FMN1: variants seen among roughly 807,000 people sequenced by gnomAD.
FMN1 encodes formin 1, also known as formin-1.
FMN1 carries 110 observed loss-of-function variants against 132.4 expected under a neutral mutation model. That is an observed-to-expected ratio of 0.83 (90% CI 0.71 to 0.97). The LOEUF (loss-of-function observed/expected upper bound fraction) is 0.97, where lower values mean the gene tolerates loss of function less well. FMN1 is among the 50% of genes least tolerant of loss of function. FMN1 has a pLI of 0.00. For missense variants in FMN1, 1,792 were observed against 1,705.3 expected, an observed-to-expected ratio of 1.05 and a Z score of -0.90; for synonymous variants, 722 against 651.7, an observed-to-expected ratio of 1.11 and a Z score of -1.64.
At chr15:33,005,704 A>G (rs1221593985) in intron 7 of FMN1, among the ~76,000 whole-genome samples, 2 of 152,186 alleles carry the variant, frequency 1.3e-5, no homozygotes, top group African/African-American at 4.8e-5. Context: ...GCTAGGGTTA[A>G]CTGTTACAAC....
intron 8 of FMN1, among the ~76,000 whole-genome samples, chr15:32,968,216 GAACT>G (rs1166022302): frequency 6.6e-6 from 1 of 152,120 alleles, no homozygotes; most frequent in East Asian, 1.9e-4. Context: ...CTGATCTAAA[GAACT>G]AATAACTTAG....
At chr15:33,017,597 G>GA (rs1446167232) in intron 6 of FMN1, among the ~76,000 whole-genome samples, 4 of 152,146 alleles carry the variant, frequency 2.6e-5, no homozygotes, top group African/African-American at 4.8e-5. Context: ...CAATAACTGG[G>GA]AGAAATCCCA....
At chr15:32,907,732 G>A (rs1567369585) in intron 12 of FMN1, among the ~76,000 whole-genome samples, 1 of 149,628 alleles carries the variant, frequency 6.7e-6, no homozygotes, top group Non-Finnish European at 1.5e-5. Flanking sequence ...AAAATTCAAG[G>A]TAGCAACAGG....
intron 19 of FMN1, among the ~76,000 whole-genome samples, chr15:32,798,178 G>GAACACACACACACACA (rs1555457387): frequency 5.6e-4 from 83 of 147,202 alleles, no homozygotes; most frequent in African/African-American, 1.7e-3. Context: ...TAAGGAAAAC[G>GAACACACACACACACA]CACACACACA....
At chr15:32,824,523 T>C (rs2058316325) in intron 17 of FMN1, among the ~76,000 whole-genome samples, 1 of 152,212 alleles carries the variant, frequency 6.6e-6, no homozygotes, top group Non-Finnish European at 1.5e-5. Context: ...TCTGATCACT[T>C]GCTCTGTTCC....
intron 6 of FMN1, among the ~76,000 whole-genome samples, chr15:33,047,173 G>A (rs1201039356): frequency 1.3e-5 from 2 of 152,140 alleles, no homozygotes; most frequent in East Asian, 1.9e-4. Flanking sequence ...TTTACCATTT[G>A]CTGATTCTTT....
intron 7 of FMN1, among the ~76,000 whole-genome samples, chr15:32,990,571 G>C (rs1190222197): frequency 6.6e-6 from 1 of 152,186 alleles, no homozygotes; most frequent in Admixed American, 6.5e-5. Flanking sequence ...GTATGGTCAA[G>C]AGAAAGGATT....
chr15:32,948,994 C>T (rs531946121), intron 9 of FMN1, among the ~76,000 whole-genome samples: 1 of 151,986 alleles, frequency 6.6e-6, no homozygotes, highest in African/African-American at 2.4e-5. Flanking sequence ...TGATTTAAGG[C>T]ACTTAACTGA....
intron 12 of FMN1, among the ~76,000 whole-genome samples, chr15:32,906,412 C>A (rs2060426173): frequency 6.6e-6 from 1 of 152,174 alleles, no homozygotes. Flanking sequence ...GTCATTGGGG[C>A]ACAGCGATAC....
At chr15:32,815,464 A>G (rs1355586346) in intron 17 of FMN1, among the ~76,000 whole-genome samples, 1 of 152,166 alleles carries the variant, frequency 6.6e-6, no homozygotes, top group East Asian at 1.9e-4. Context: ...CCAATACTTC[A>G]TTCTTCAGAC....
intron 6 of FMN1, among the ~76,000 whole-genome samples, chr15:33,025,888 C>T (rs1024589267): frequency 1.3e-5 from 2 of 152,148 alleles, no homozygotes; most frequent in African/African-American, 2.4e-5. Flanking sequence ...GGGAAAACTT[C>T]AGGAGGCACG....
At chr15:32,899,828 G>T in intron 14 of FMN1, 151 bp downstream of exon 14, 1 of 759,484 alleles carries the variant, frequency 1.3e-6, no homozygotes, top group African/African-American at 1.8e-5. Flanking sequence ...AAAGTGAAAA[G>T]AAAGCAAACA....
chr15:33,066,873 T>A lies in FMN1; in HGVS notation c.2044-1799A>T, dbSNP rs370768744. ...GAGAGCTGCTCCAGGAGAGTGGGAGTGGCCTTCGGATCAGTTGCTTTCTTC... is the reference window on the plus strand; with the variant it reads ...GAGAGCTGCTCCAGGAGAGTGGGAGAGGCCTTCGGATCAGTTGCTTTCTTC... On this transcript the variant is annotated intron_variant, in intron 5 of 20. Coordinates refer to ENST00000616417, the MANE Select transcript of FMN1 (RefSeq NM_001277313.2). 48 of 1,613,750 alleles carry A rather than the reference T, an allele frequency of 3.0e-5. No homozygotes were observed. In the African/African-American group the frequency reaches 6.0e-4, roughly 20 times the overall value.
intron 10 of FMN1, among the ~76,000 whole-genome samples, chr15:32,924,638 T>A (rs917177749): frequency 2.0e-5 from 3 of 152,208 alleles, no homozygotes; most frequent in African/African-American, 7.2e-5. Context: ...GATTTACATT[T>A]GCTGGGCATA....
At chr15:32,957,307 T>G (rs200987257) in intron 9 of FMN1, among the ~76,000 whole-genome samples, 18 of 135,846 alleles carry the variant, frequency 1.3e-4, no homozygotes, top group South Asian at 5.2e-4. Context: ...TCTTTTTTTT[T>G]TTTTTTTTTT....
intron 4 of FMN1, among the ~76,000 whole-genome samples, chr15:33,133,165 A>G (rs966809006): frequency 8.5e-5 from 13 of 152,174 alleles, no homozygotes; most frequent in Non-Finnish European, 2.9e-5. Context: ...AGAGGGGATT[A>G]TGCAACTGAG....
intron 16 of FMN1, among the ~76,000 whole-genome samples, chr15:32,866,236 A>G (rs1055112770): frequency 1.1e-4 from 15 of 141,920 alleles, no homozygotes; most frequent in African/African-American, 3.8e-4. Context: ...ATAAAAAAAA[A>G]GAAAAAAGAA....
intron 15 of FMN1, among the ~76,000 whole-genome samples, chr15:32,888,769 TC>T (rs2059955016): frequency 6.6e-6 from 1 of 152,030 alleles, no homozygotes; most frequent in Non-Finnish European, 1.5e-5. Context: ...CCATCACCTT[TC>T]CTCACCTTTC....
chr15:32,976,777 A>C (rs949350025), intron 7 of FMN1, among the ~76,000 whole-genome samples: 3 of 152,190 alleles, frequency 2.0e-5, no homozygotes, highest in African/African-American at 7.2e-5. Context: ...GTAAAACCCA[A>C]TGAATGCAAT....
Sources: gnomAD v4.1 joint callset for allele counts (sites outside exome capture counted in the v4.1 genomes callset) on GRCh38, gnomAD v4.1.1 for gene constraint, MANE v1.5 for transcripts, NCBI Gene and HGNC (gene_info 2026-07-23, HGNC 2026-07-21) for gene names.